MGRN1: variants seen among roughly 807,000 people sequenced by gnomAD.
MGRN1 encodes the protein mahogunin ring finger 1, also known as E3 ubiquitin-protein ligase MGRN1.
MGRN1 carries 29 observed loss-of-function variants against 69.2 expected under a neutral mutation model. That is an observed-to-expected ratio of 0.42 (90% CI 0.31 to 0.57). The LOEUF (loss-of-function observed/expected upper bound fraction) is 0.57, where lower values mean the gene tolerates loss of function less well. MGRN1 is among the 20% of genes least tolerant of loss of function. MGRN1 has a pLI of 0.15. For missense variants in MGRN1, 998 were observed against 796.2 expected, an observed-to-expected ratio of 1.25 and a Z score of -3.05; for synonymous variants, 470 against 344.2, an observed-to-expected ratio of 1.37 and a Z score of -4.04.
At position 4,688,649 on chromosome 16, in the gene MGRN1, C is replaced by T. The variant is rs964236245; in HGVS notation, c.1619-147C>T. The T allele has an allele frequency of 5.7e-5, 82 of 1,437,758 alleles. No homozygotes were observed. In the Admixed American group the frequency reaches 9.5e-4, roughly 17 times the overall value. 89.1% of individuals were successfully genotyped at this position (1,437,758 alleles called of 1,614,324 possible). On this transcript the variant is annotated intron_variant, in intron 16 of 16. Transcript: ENST00000262370. ...AGTCCCCGGGCCCTTGGTGTGCTCA[C>T]ATCTGAGTGAATGCTGTTGTGGCCA...
intron 12 of MGRN1, 105 bp from the exon 13 acceptor site, chr16:4,681,445 T>G (rs1596316367): frequency 9.0e-7 from 1 of 1,109,090 alleles, no homozygotes; most frequent in Non-Finnish European, 1.3e-6. Context: ...GGTGGGGGAG[T>G]CTCAATCCCC....
At chr16:4,635,696 G>A (rs1184776312) in intron 1 of MGRN1, among the ~76,000 whole-genome samples, 1 of 150,792 alleles carries the variant, frequency 6.6e-6, no homozygotes, top group African/African-American at 2.4e-5. Flanking sequence ...GTGCAGTGGC[G>A]CAATATTGGC....
At chr16:4,683,335 C>G (rs2079232205) in intron 15 of MGRN1, 66 bp downstream of exon 15, 8 of 1,574,556 alleles carry the variant, frequency 5.1e-6, no homozygotes, top group Non-Finnish European at 7.0e-6. Context: ...TTACTGGGGC[C>G]TTAGGGCTCC....
intron 11 of MGRN1, among the ~76,000 whole-genome samples, chr16:4,679,682 C>T (rs1220628262): frequency 2.0e-5 from 3 of 147,428 alleles, no homozygotes; most frequent in African/African-American, 7.3e-5. Flanking sequence ...GATCTCCACC[C>T]TGCACCCAGC....
chr16:4,630,275 C>T (rs1279788049), intron 1 of MGRN1, among the ~76,000 whole-genome samples: 9 of 148,994 alleles, frequency 6.0e-5, no homozygotes, highest in Non-Finnish European at 1.2e-4. Flanking sequence ...TCGCTGGAAC[C>T]CGGAGCGCGG....
intron 16 of MGRN1, chr16:4,687,379 T>C (rs1306461124): frequency 2.3e-5 from 21 of 927,738 alleles, no homozygotes; most frequent in Non-Finnish European, 2.7e-5. Context: ...ACCCCCTCTC[T>C]ATGAAAAATA....
intron 11 of MGRN1, among the ~76,000 whole-genome samples, chr16:4,678,837 G>A (rs2079112619): frequency 6.6e-6 from 1 of 152,236 alleles, no homozygotes; most frequent in African/African-American, 2.4e-5. Flanking sequence ...CACAGACAGC[G>A]CCTTTGCTCT....
At chr16:4,666,077 C>A (rs374861589) in intron 7 of MGRN1, among the ~76,000 whole-genome samples, 1 of 152,068 alleles carries the variant, frequency 6.6e-6, no homozygotes. Flanking sequence ...GATCCACCTG[C>A]CTCGGCCTCC....
intron 1 of MGRN1, among the ~76,000 whole-genome samples, chr16:4,643,059 G>A (rs1184395859): frequency 5.3e-5 from 8 of 152,010 alleles, no homozygotes; most frequent in African/African-American, 1.2e-4. Flanking sequence ...AAGTTCAAGC[G>A]ATTCTCGTGC....
In MGRN1 at chr16:4,652,025, C is replaced by A. The variant is rs779394115; in HGVS notation, c.270C>A (p.Ile90=). 7 of 1,614,052 alleles carry A rather than the reference C, an allele frequency of 4.3e-6. No homozygotes were observed. In the South Asian group the frequency reaches 7.7e-5, roughly 18 times the overall value. Residue 90 remains isoleucine (I), a synonymous_variant, in exon 3 of 17, where the codon ATC becomes ATA. Coordinates refer to ENST00000262370, the MANE Select transcript of MGRN1 (RefSeq NM_015246.4). ...AGACGCTGCGGAGCCTGGTGAACATCCGCAAAGACTCCCTGCGGCTGGTGA... is the reference window on the plus strand; with the variant it reads ...AGACGCTGCGGAGCCTGGTGAACATACGCAAAGACTCCCTGCGGCTGGTGA... ...PVKTLRSLVN[I]RKDSLRLVRY... is the part of the protein sequence containing the mutation.
At chr16:4,636,238 C>A (rs1410683296) in intron 1 of MGRN1, among the ~76,000 whole-genome samples, 1 of 151,970 alleles carries the variant, frequency 6.6e-6, no homozygotes, top group Non-Finnish European at 1.5e-5. Context: ...GAACAACCTG[C>A]CTCCCCCTTC....
chr16:4,625,086 C>G (rs779496067), intron 1 of MGRN1, 38 bp downstream of exon 1: 3 of 1,489,920 alleles, frequency 2.0e-6, no homozygotes, highest in Non-Finnish European at 2.7e-6. Context: ...GCTAGGCACG[C>G]GCTGGAACGC....
At chr16:4,632,414 G>A (rs1898056145) in intron 1 of MGRN1, among the ~76,000 whole-genome samples, 1 of 151,538 alleles carries the variant, frequency 6.6e-6, no homozygotes, top group South Asian at 2.1e-4. Context: ...TTGTTTTTGA[G>A]ACGGAGTCTT....
At chr16:4,684,512 C>T (rs841227) in intron 16 of MGRN1, among the ~76,000 whole-genome samples, 71,352 of 152,158 alleles carry the variant, frequency 0.47, 17,519 homozygotes, top group East Asian at 0.65. Context: ...CCACCTGATG[C>T]AGCAGCACAT....
chr16:4,688,918 C>T lies in MGRN1; in HGVS notation c.*10C>T, dbSNP rs754088467. On this transcript the variant is annotated 3_prime_UTR_variant, in exon 17 of 17. Coordinates refer to ENST00000262370, the MANE Select transcript of MGRN1 (RefSeq NM_015246.4). Reference sequence around the variant, plus strand: ...GCTGACCCCACTCTGAGAGCCTGGCCGAGCTGGCAGCATGGAGCCCTCGGC... The same window carrying T: ...GCTGACCCCACTCTGAGAGCCTGGCTGAGCTGGCAGCATGGAGCCCTCGGC... 7.0e-5 allele frequency: 107 copies of T among 1,535,404 alleles called. No homozygotes were observed. Among genetic ancestry groups the T allele is most frequent in the South Asian group, 9.6e-5 (8 of 83,704 alleles).
At chr16:4,675,705 G>A (rs944879643) in intron 10 of MGRN1, among the ~76,000 whole-genome samples, 7 of 150,654 alleles carry the variant, frequency 4.6e-5, no homozygotes, top group Non-Finnish European at 7.4e-5. Flanking sequence ...CTGCACCCCC[G>A]CCTGAGAGAC....
rs529886597 is a variant in MGRN1, at chr16:4,683,159, G to A, written c.1483-65G>A. 1.4e-4 allele frequency: 225 copies of A among 1,595,298 alleles called. No homozygotes were observed. The Middle Eastern group carries it at 2.0e-3, about 14-fold the overall frequency. ...TCCCGGGAGGGCCGTGCCTGATGGCGGCTTGTCCTGGAGCGGTGGCCGCGG... is the reference window on the plus strand; with the variant it reads ...TCCCGGGAGGGCCGTGCCTGATGGCAGCTTGTCCTGGAGCGGTGGCCGCGG... On this transcript the variant is annotated intron_variant, in intron 14 of 16. Transcript: ENST00000262370.
chr16:4,663,365 G>GT (rs1183914569), intron 5 of MGRN1, among the ~76,000 whole-genome samples: 32,236 of 61,654 alleles, frequency 0.52, 9,527 homozygotes, highest in South Asian at 0.65. Context: ...ACCTGGCCTT[G>GT]TTTTTTTTTT....
At chr16:4,674,182 C>G (rs1278306712) in intron 10 of MGRN1, among the ~76,000 whole-genome samples, 2 of 152,128 alleles carry the variant, frequency 1.3e-5, no homozygotes, top group Admixed American at 6.6e-5. Context: ...TGGGGTTTTG[C>G]CATGTTGGCC....
Sources: allele counts gnomAD v4.1 joint callset (sites outside exome capture counted in the v4.1 genomes callset), GRCh38; gene constraint gnomAD v4.1.1; transcripts MANE v1.5; gene names NCBI Gene and HGNC (gene_info 2026-07-23, HGNC 2026-07-21).